NRXN3: variants seen among roughly 807,000 people sequenced by gnomAD.
NRXN3 encodes neurexin 3, also known as neurexin III.
A neutral mutation model predicts 137.6 loss-of-function variants in NRXN3; 32 were observed. That is an observed-to-expected ratio of 0.23 (90% confidence interval 0.18 to 0.31). The LOEUF (loss-of-function observed/expected upper bound fraction) is 0.31, where lower values mean the gene tolerates loss of function less well. Ranked by LOEUF, NRXN3 falls within the 10% of genes least tolerant of loss-of-function variation. The pLI is 1.00. For missense variants in NRXN3, 1,574 were observed against 2,062.5 expected, an observed-to-expected ratio of 0.76 and a Z score of 4.59; for synonymous variants, 798 against 784.5, an observed-to-expected ratio of 1.02 and a Z score of -0.29.
chr14:78,662,406 G>T (rs1428609273), intron 6 of NRXN3, among the ~76,000 whole-genome samples: 1 of 152,026 alleles, frequency 6.6e-6, no homozygotes, highest in Non-Finnish European at 1.5e-5. Flanking sequence ...AGAAAATGTG[G>T]CCCATATATC....
At chr14:79,554,156 C>T (rs1160224813) in intron 16 of NRXN3, among the ~76,000 whole-genome samples, 1 of 152,090 alleles carries the variant, frequency 6.6e-6, no homozygotes, top group African/African-American at 2.4e-5. Flanking sequence ...AAGAAAACTC[C>T]AAATAAACAA....
intron 15 of NRXN3, among the ~76,000 whole-genome samples, chr14:79,252,088 A>G (rs2076009299): frequency 6.6e-6 from 1 of 152,182 alleles, no homozygotes; most frequent in Non-Finnish European, 1.5e-5. Flanking sequence ...CCTTTCTACA[A>G]AATTAAAGAT....
At chr14:78,406,428 A>G (rs112506573) in intron 4 of NRXN3, among the ~76,000 whole-genome samples, 8 of 152,330 alleles carry the variant, frequency 5.3e-5, no homozygotes, top group African/African-American at 1.9e-4. Flanking sequence ...ATTAGCCACA[A>G]CTGTGGCTGG....
intron 15 of NRXN3, among the ~76,000 whole-genome samples, chr14:79,195,754 C>T (rs1274088147): frequency 6.6e-6 from 1 of 152,106 alleles, no homozygotes; most frequent in Non-Finnish European, 1.5e-5. Context: ...AATGAAGATA[C>T]AATATAAGCT....
chr14:78,647,296 C>A (rs2097697127), intron 5 of NRXN3, among the ~76,000 whole-genome samples: 1 of 152,240 alleles, frequency 6.6e-6, no homozygotes, highest in African/African-American at 2.4e-5. Context: ...CCCGCCCCTG[C>A]CCTTCATGTT....
At chr14:79,766,805 A>C (rs1029534827) in intron 19 of NRXN3, among the ~76,000 whole-genome samples, 1 of 152,112 alleles carries the variant, frequency 6.6e-6, no homozygotes, top group Non-Finnish European at 1.5e-5. Context: ...GGCAGGCAGG[A>C]AGAAGAAGGG....
intron 20 of NRXN3, among the ~76,000 whole-genome samples, chr14:79,806,860 A>C (rs2140676401): frequency 6.9e-6 from 1 of 145,508 alleles, no homozygotes; most frequent in Non-Finnish European, 1.5e-5. Flanking sequence ...TTCATATATT[A>C]ATAGGTCACA....
At chr14:79,497,975 GGT>G (rs1204279613) in intron 16 of NRXN3, among the ~76,000 whole-genome samples, 1 of 152,038 alleles carries the variant, frequency 6.6e-6, no homozygotes. Flanking sequence ...CAGAGGTTGT[GGT>G]GAGCCGAGAT....
At chr14:79,269,831 C>G (rs943826020) in intron 15 of NRXN3, among the ~76,000 whole-genome samples, 1 of 152,158 alleles carries the variant, frequency 6.6e-6, no homozygotes, top group Admixed American at 6.5e-5. Context: ...AAAATAGAAA[C>G]ATAAAATTGT....
chr14:78,532,638 T>C (rs1395406196), intron 4 of NRXN3, among the ~76,000 whole-genome samples: 1 of 152,086 alleles, frequency 6.6e-6, no homozygotes, highest in African/African-American at 2.4e-5. Flanking sequence ...CTTCATTCTG[T>C]CAGCTTAGAA....
At chr14:79,135,315 C>T (rs1183439905) in intron 15 of NRXN3, among the ~76,000 whole-genome samples, 1 of 152,198 alleles carries the variant, frequency 6.6e-6, no homozygotes, top group Non-Finnish European at 1.5e-5. Context: ...CTCTCCCTTT[C>T]ATAGTTTCTC....
At chr14:78,723,069 A>T (rs1404717760) in intron 8 of NRXN3, among the ~76,000 whole-genome samples, 4 of 152,304 alleles carry the variant, frequency 2.6e-5, no homozygotes, top group Non-Finnish European at 5.9e-5. Flanking sequence ...TCGAAGATGC[A>T]GCTGTAGGGG....
chr14:79,127,332 C>T (rs1013830317), intron 15 of NRXN3, among the ~76,000 whole-genome samples: 12 of 152,124 alleles, frequency 7.9e-5, no homozygotes, highest in African/African-American at 2.7e-4. Flanking sequence ...GTCTTTAATC[C>T]ATCTTGAATT....
chr14:79,793,369 C>T (rs577910886), intron 19 of NRXN3, among the ~76,000 whole-genome samples: 17 of 152,236 alleles, frequency 1.1e-4, no homozygotes, highest in African/African-American at 3.4e-4. Context: ...GAGCCGAGAT[C>T]AAGCCACTGC....
chr14:79,537,079 G>A (rs1044656256), intron 16 of NRXN3, among the ~76,000 whole-genome samples: 1 of 152,166 alleles, frequency 6.6e-6, no homozygotes, highest in Non-Finnish European at 1.5e-5. Flanking sequence ...CCCACCAACA[G>A]TGTAAAAGCA....
chr14:78,987,901 G>A lies in NRXN3; in HGVS notation c.3143-121G>A, dbSNP rs975303175. 4.5e-6 allele frequency: 5 copies of A among 1,102,634 alleles called. No individual in the cohort carries two copies. The African/African-American group carries it at 4.8e-5, about 11-fold the overall frequency. 68.3% of individuals were successfully genotyped at this position (1,102,634 alleles called of 1,614,324 possible). On this transcript the variant is annotated intron_variant, in intron 14 of 20. Coordinates refer to ENST00000335750, the MANE Select transcript of NRXN3 (RefSeq NM_001330195.2). ...AGATTGAGTTGACAATTTTGGTGGTGTGTCTTCAAATGTTTGGGGGCATGA... is the reference window on the plus strand; with the variant it reads ...AGATTGAGTTGACAATTTTGGTGGTATGTCTTCAAATGTTTGGGGGCATGA...
At chr14:79,109,402 T>A (rs2053064683) in intron 15 of NRXN3, among the ~76,000 whole-genome samples, 1 of 152,214 alleles carries the variant, frequency 6.6e-6, no homozygotes, top group African/African-American at 2.4e-5. Context: ...TCAGAATAAT[T>A]TTCTCCAAAA....
intron 19 of NRXN3, among the ~76,000 whole-genome samples, chr14:79,768,200 G>A (rs1381789740): frequency 6.6e-6 from 1 of 152,220 alleles, no homozygotes; most frequent in African/African-American, 2.4e-5. Context: ...TGGGGGAGGG[G>A]CGCCTGCCAT....
At chr14:79,540,237 G>T (rs2097259104) in intron 16 of NRXN3, among the ~76,000 whole-genome samples, 1 of 87,148 alleles carries the variant, frequency 1.1e-5, no homozygotes, top group Admixed American at 9.7e-5. Flanking sequence ...CATTTATTCA[G>T]CTTGCATTTA....
Sources: gnomAD v4.1 joint callset for allele counts (sites outside exome capture counted in the v4.1 genomes callset) on GRCh38, gnomAD v4.1.1 for gene constraint, MANE v1.5 for transcripts, NCBI Gene and HGNC (gene_info 2026-07-23, HGNC 2026-07-21) for gene names.